The following CCNL1 variants were observed in gnomAD, a reference collection of about 807,000 sequenced individuals.
CCNL1 encodes cyclin-L1.
Under a neutral mutation model 60.6 loss-of-function variants are expected in CCNL1, and 13 were observed. The observed-to-expected ratio is 0.21, with a 90% CI of 0.14 to 0.34. CCNL1 has a LOEUF of 0.34. CCNL1 is among the 10% of genes least tolerant of loss of function. The pLI is 1.00. For missense variants in CCNL1, 481 were observed against 664.3 expected (o/e 0.72, Z 3.03); for synonymous variants, 270 against 244.3 (o/e 1.10, Z -0.98).
At chr3:157,159,265 C>T (rs1454477467) in intron 2 of CCNL1, 140 bp downstream of exon 2, 3 of 751,182 alleles carry the variant, frequency 4.0e-6, no homozygotes, top group Non-Finnish European at 6.6e-6. Flanking sequence ...TAAAGGTTTC[C>T]ACTTCCTGGC....
intron 10 of CCNL1, 100 bp from the exon 11 acceptor site, chr3:157,148,689 A>C (rs1737929773): frequency 2.9e-6 from 3 of 1,040,566 alleles, no homozygotes; most frequent in Admixed American, 2.8e-5. Flanking sequence ...TACCAGCTAC[A>C]TAAATGACAA....
At chr3:157,159,047 A>C in intron 2 of CCNL1, 72 bp from the exon 3 acceptor site, 1 of 994,306 alleles carries the variant, frequency 1.0e-6, no homozygotes, top group Non-Finnish European at 1.6e-6. Flanking sequence ...TTTAGAACAC[A>C]ATTGGGACAA....
At chr3:157,151,457 G>C (rs1298896622) in intron 5 of CCNL1, 1 of 985,712 alleles carries the variant, frequency 1.0e-6, no homozygotes, top group Non-Finnish European at 1.2e-6. Flanking sequence ...TTTTAAAAAT[G>C]AAGTGCTTCT....
At chr3:157,152,601 T>TA in intron 4 of CCNL1, 1 of 1,072,620 alleles carries the variant, frequency 9.3e-7, no homozygotes, top group Non-Finnish European at 1.1e-6. Flanking sequence ...CTTATATTGA[T>TA]AATGAAAGCT....
chr3:157,146,818 T>TATC (rs1227457710), downstream of CCNL1, among the ~76,000 whole-genome samples: 6 of 152,202 alleles, frequency 3.9e-5, no homozygotes, highest in African/African-American at 1.4e-4. Flanking sequence ...CTTAATGAAC[T>TATC]ATCTACCCTC....
intron 4 of CCNL1, 120 bp from the exon 5 acceptor site, chr3:157,152,361 G>A (rs899648984): frequency 6.9e-7 from 1 of 1,453,164 alleles, no homozygotes; most frequent in African/African-American, 1.5e-5. Flanking sequence ...CGATAATACA[G>A]ACCAATTTAA....
Position 157,159,838 on chromosome 3 carries a change from C to G in CCNL1, c.257G>C (p.Gly86Ala). The G allele has an allele frequency of 6.4e-7, 1 of 1,556,416 alleles. No homozygotes were observed. The highest frequency in any genetic ancestry group is 1.4e-5 in the African/African-American group (1 of 73,522). Residue 86 changes from glycine (G) to alanine (A), a missense_variant, in exon 1 of 11, where the codon GGC becomes GCC. Around this residue, in one of 5 missense-constraint regions of CCNL1, gnomAD observed 130 missense variants for 174.5 expected, o/e 0.75. Transcript: ENST00000295926. The part of the protein sequence containing the change: ...LPSETDLRIL[G>A]CELIQAAGIL... The stretch of plus-strand genomic sequence containing the variant: ...GCCGGCGGCCTGGATGAGCTCGCAG[C>G]CCAGGATGCGTAAGTCCGTCTCACT...
intron 10 of CCNL1, chr3:157,149,062 T>G: frequency 1.9e-6 from 1 of 513,634 alleles, no homozygotes; most frequent in Non-Finnish European, 3.4e-6. Context: ...ACTTTGTGGG[T>G]AGCTCCTACA....
downstream of CCNL1, among the ~76,000 whole-genome samples, chr3:157,146,288 C>T (rs1737780525): frequency 6.6e-6 from 1 of 152,074 alleles, no homozygotes; most frequent in African/African-American, 2.4e-5. Flanking sequence ...GGTTAACATC[C>T]TGACAACTTA....
chr3:157,158,839 T>C (rs1250025514), intron 3 of CCNL1, 27 bp downstream of exon 3: 7 of 1,388,104 alleles, frequency 5.0e-6, no homozygotes, highest in South Asian at 2.3e-5. Flanking sequence ...TAGCAAGAGA[T>C]ACTATGTTCA....
At chr3:157,146,496 CA>C (rs1737785345), downstream of CCNL1, 2 of 448,458 alleles carry the variant, frequency 4.5e-6, no homozygotes, top group African/African-American at 4.1e-5. Context: ...AGATTAGGGA[CA>C]TAAGTAATTT....
At chr3:157,144,400 T>C (rs1737724933), downstream of CCNL1, among the ~76,000 whole-genome samples, 1 of 152,228 alleles carries the variant, frequency 6.6e-6, no homozygotes, top group South Asian at 2.1e-4. Flanking sequence ...CCAACACATA[T>C]ACTACACAAA....
chr3:157,157,106 A>G, intron 3 of CCNL1: 1 of 1,289,840 alleles, frequency 7.8e-7, no homozygotes, highest in South Asian at 1.2e-5. Flanking sequence ...TTGCAAGGGA[A>G]AAAAGAGTTG....
chr3:157,148,780 G>A (rs1167618013), intron 10 of CCNL1, among the ~76,000 whole-genome samples, 191 bp from the exon 11 acceptor site: 1 of 151,824 alleles, frequency 6.6e-6, no homozygotes, highest in Non-Finnish European at 1.5e-5. Flanking sequence ...TTAAGCAAAT[G>A]TTCTTATGTC....
At chr3:157,159,259 G>A (rs535433610) in intron 2 of CCNL1, 146 bp downstream of exon 2, 4 of 733,446 alleles carry the variant, frequency 5.5e-6, no homozygotes, top group South Asian at 1.8e-5. Context: ...ACATTCTAAA[G>A]GTTTCCACTT....
chr3:157,147,978 T>C lies in CCNL1; in HGVS notation c.*263A>G, dbSNP rs1033651993. ...TACAGAATTCACGCTCCAGTTCTTA[T>C]AGCAATAAACAATACACAACTATAA... is the stretch of plus-strand genomic sequence containing the variant. On this transcript the variant is annotated 3_prime_UTR_variant, in exon 11 of 11. Coordinates refer to ENST00000295926, the MANE Select transcript of CCNL1 (RefSeq NM_020307.4). 41 of 1,189,584 alleles carry C rather than the reference T, an allele frequency of 3.4e-5. No homozygotes were observed. The African/African-American group carries it at 4.6e-4, about 13-fold the overall frequency. The allele number at this position is 1,189,584 out of a possible 1,614,324, so 73.7% of individuals were successfully genotyped here. A position where few individuals can be genotyped will look rare whatever the true frequency, so the allele number is the denominator to read the frequency against.
At chr3:157,151,712 G>A in intron 5 of CCNL1, 1 of 1,009,372 alleles carries the variant, frequency 9.9e-7, no homozygotes, top group Non-Finnish European at 1.2e-6. Context: ...AAATACATAG[G>A]CATGTCAAAT....
At chr3:157,152,342 A>G in intron 4 of CCNL1, 101 bp from the exon 5 acceptor site, 1 of 1,528,486 alleles carries the variant, frequency 6.5e-7, no homozygotes, top group Non-Finnish European at 8.7e-7. Flanking sequence ...TCAAGTTCTA[A>G]TTGTGCATCG....
At chr3:157,157,427 T>A (rs540059796) in intron 3 of CCNL1, among the ~76,000 whole-genome samples, 3 of 152,234 alleles carry the variant, frequency 2.0e-5, no homozygotes, top group Non-Finnish European at 2.9e-5. Flanking sequence ...AAGATAATCA[T>A]GTGATTACAT....
Sources: gnomAD v4.1 joint callset for allele counts (sites outside exome capture counted in the v4.1 genomes callset) on GRCh38, gnomAD v4.1.1 for gene constraint, gnomAD v4.1.1 regional missense constraint, MANE v1.5 for transcripts, NCBI Gene and HGNC (gene_info 2026-07-23, HGNC 2026-07-21) for gene names.